DCLK1: variants seen among roughly 807,000 people sequenced by gnomAD.
DCLK1 encodes the protein doublecortin like kinase 1, also known as serine/threonine-protein kinase DCLK1.
In DCLK1, 16 loss-of-function variants were observed where a neutral mutation model predicts 86.2. The ratio of observed to expected loss-of-function variants is 0.19; its 90% CI spans 0.13 to 0.28. The LOEUF is 0.28. Among genes scored for constraint, DCLK1 ranks in the 10% least tolerant of loss-of-function variants. The pLI, the probability that DCLK1 is intolerant of heterozygous loss-of-function variation, is 1.00. For missense variants in DCLK1, 590 were observed against 940.2 expected (o/e 0.63, Z 4.87); for synonymous variants, 369 against 370.5 (o/e 1.00, Z 0.05).
chr13:35,829,928 T>C (rs916526982), intron 8 of DCLK1, among the ~76,000 whole-genome samples: 3 of 152,218 alleles, frequency 2.0e-5, no homozygotes, highest in African/African-American at 7.2e-5. Context: ...ACAAAGACTC[T>C]GCCATGGCTG....
intron 3 of DCLK1, among the ~76,000 whole-genome samples, chr13:36,083,080 C>T (rs550647156): frequency 2.0e-5 from 3 of 152,184 alleles, no homozygotes; most frequent in East Asian, 3.9e-4. Flanking sequence ...ATGTACCCAC[C>T]GATTCCAAAC....
chr13:36,068,889 A>AG (rs1233685920), intron 3 of DCLK1, among the ~76,000 whole-genome samples: 1 of 152,240 alleles, frequency 6.6e-6, no homozygotes, highest in Non-Finnish European at 1.5e-5. Flanking sequence ...TGAAAACTCC[A>AG]GGTTACTGTG....
chr13:36,035,169 T>G (rs973477932), intron 3 of DCLK1, among the ~76,000 whole-genome samples: 12 of 152,164 alleles, frequency 7.9e-5, no homozygotes, highest in Non-Finnish European at 1.2e-4. Flanking sequence ...GCGAATCAGC[T>G]AATTCTCTCC....
chr13:35,913,826 A>T (rs1262790418), intron 4 of DCLK1, among the ~76,000 whole-genome samples: 1 of 151,956 alleles, frequency 6.6e-6, no homozygotes, highest in Non-Finnish European at 1.5e-5. Flanking sequence ...CATAATATAT[A>T]AAAAAAATTC....
rs542537361 is a variant in DCLK1 at position 36,106,700 on chromosome 13, C to T, written c.723+5169G>A. Reference sequence around the variant, plus strand: ...TAAAAAAGGAAAAATACCACTGCTGCTAATAGCTACAGAAAACCTCCTTTC... The same window carrying T: ...TAAAAAAGGAAAAATACCACTGCTGTTAATAGCTACAGAAAACCTCCTTTC... On this transcript the variant is annotated intron_variant, in intron 3 of 16. Transcript: ENST00000360631. Among the ~76,000 whole-genome samples, 12 of 152,274 alleles carry T rather than the reference C, an allele frequency of 7.9e-5. No homozygotes were observed. In the South Asian group the frequency reaches 2.5e-3, roughly 32 times the overall value.
intron 15 of DCLK1, among the ~76,000 whole-genome samples, chr13:35,803,647 C>A (rs1260703229): frequency 6.6e-6 from 1 of 152,136 alleles, no homozygotes. Flanking sequence ...TCTTGTCCCC[C>A]CATATGTAGT....
chr13:35,780,212 C>A lies in DCLK1; in HGVS notation c.2059-5513G>T, dbSNP rs548798725. ...TCAAGCAAATAGGGTCTCTTCAGAA[C>A]GCCTATTTTTGTAAATTAAGTATGT... On this transcript the variant is annotated intron_variant, in intron 16 of 16. Coordinates refer to ENST00000360631, the MANE Select transcript of DCLK1 (RefSeq NM_001330071.2). 6.6e-5 allele frequency among the ~76,000 whole-genome samples: 10 copies of A among 152,230 alleles called. No individual in the cohort carries two copies. The Middle Eastern group carries it at 0.02, about 311-fold the overall frequency.
chr13:35,786,802 C>T (rs2086631390), intron 16 of DCLK1, among the ~76,000 whole-genome samples: 1 of 152,162 alleles, frequency 6.6e-6, no homozygotes, highest in Admixed American at 6.5e-5. Context: ...ATCCATAAGG[C>T]CAATTATGTA....
chr13:35,999,261 A>C (rs972828776), intron 3 of DCLK1, among the ~76,000 whole-genome samples: 17 of 151,244 alleles, frequency 1.1e-4, no homozygotes, highest in African/African-American at 4.1e-4. Flanking sequence ...TCTCAAACAA[A>C]AAAAAAAAAT....
intron 3 of DCLK1, among the ~76,000 whole-genome samples, chr13:35,974,388 C>T (rs151044731): frequency 7.6e-4 from 116 of 152,286 alleles, no homozygotes; most frequent in Admixed American, 5.1e-3. Flanking sequence ...TGTAAGGACA[C>T]AAGGGGAGGG....
rs749470581 is a variant in DCLK1 at position 36,051,272 on chromosome 13, G to A, written c.723+60597C>T. ...ATTTTTTGCCTATCTGGTCATCAAG[G>A]TCCCTGGAGACTCTTCAGTGTTTCA... On this transcript the variant is annotated intron_variant, in intron 3 of 16. Coordinates refer to ENST00000360631, the MANE Select transcript of DCLK1 (RefSeq NM_001330071.2). Among the ~76,000 whole-genome samples the A allele has an allele frequency of 4.6e-5, 7 of 151,962 alleles. No individual in the cohort carries two copies. The South Asian group carries it at 1.2e-3, about 27-fold the overall frequency.
chr13:35,862,034 A>AC (rs1462748164), intron 5 of DCLK1, among the ~76,000 whole-genome samples: 1 of 28,182 alleles, frequency 3.5e-5, no homozygotes, highest in Non-Finnish European at 8.8e-5. Flanking sequence ...CTCCGTCTCA[A>AC]AAAAAAAAAA....
At chr13:35,797,199 A>G (rs1311328309) in intron 15 of DCLK1, among the ~76,000 whole-genome samples, 1 of 152,214 alleles carries the variant, frequency 6.6e-6, no homozygotes, top group Admixed American at 6.5e-5. Flanking sequence ...ATATGGGGAA[A>G]GATAGCTGGG....
intron 11 of DCLK1, 103 bp from the exon 12 acceptor site, chr13:35,811,071 T>A: frequency 7.0e-7 from 1 of 1,427,998 alleles, no homozygotes; most frequent in Non-Finnish European, 9.6e-7. Context: ...GTATAGGAGG[T>A]AAAAAATAAA....
At chr13:35,983,018 C>A (rs1189122496) in intron 3 of DCLK1, among the ~76,000 whole-genome samples, 1 of 152,128 alleles carries the variant, frequency 6.6e-6, no homozygotes, top group Non-Finnish European at 1.5e-5. Flanking sequence ...CCCGCCATGG[C>A]CTCTCAAAGT....
At chr13:35,817,838 A>G (rs1038395969) in intron 11 of DCLK1, among the ~76,000 whole-genome samples, 2 of 152,200 alleles carry the variant, frequency 1.3e-5, no homozygotes, top group African/African-American at 2.4e-5. Context: ...CTCCAGGTCA[A>G]CTAATAGCCT....
At position 35,838,992 on chromosome 13, in the gene DCLK1, C is replaced by T. The variant is rs976416063; in HGVS notation, c.1120+100G>A. On this transcript the variant is annotated intron_variant, in intron 7 of 16. Coordinates refer to ENST00000360631, the MANE Select transcript of DCLK1 (RefSeq NM_001330071.2). Reference sequence around the variant, plus strand: ...TGATTGACCCTCAGGAGCTGCTCAGCCTTGTCCATGTCATTCCGCTTGAGA... The same window carrying T: ...TGATTGACCCTCAGGAGCTGCTCAGTCTTGTCCATGTCATTCCGCTTGAGA... 5 of 1,113,052 alleles carry T rather than the reference C, an allele frequency of 4.5e-6. No homozygotes were observed. In the African/African-American group the frequency reaches 7.8e-5, roughly 17 times the overall value. 68.9% of individuals were successfully genotyped at this position (1,113,052 alleles called of 1,614,324 possible). A position where few individuals can be genotyped will look rare whatever the true frequency, so the allele number is the denominator to read the frequency against.
At chr13:35,973,313 C>T (rs1654249052) in intron 3 of DCLK1, among the ~76,000 whole-genome samples, 1 of 152,176 alleles carries the variant, frequency 6.6e-6, no homozygotes, top group African/African-American at 2.4e-5. Context: ...AGGCCTCCTG[C>T]TTATAGGCTT....
intron 3 of DCLK1, among the ~76,000 whole-genome samples, chr13:35,984,780 A>C (rs1593792857): frequency 1.3e-5 from 2 of 149,536 alleles, no homozygotes; most frequent in Non-Finnish European, 1.5e-5. Flanking sequence ...TCTCTTCACT[A>C]CCCCCCAGGC....
Sources: gnomAD v4.1 joint callset for allele counts (sites outside exome capture counted in the v4.1 genomes callset) on GRCh38, gnomAD v4.1.1 for gene constraint, MANE v1.5 for transcripts, NCBI Gene and HGNC (gene_info 2026-07-23, HGNC 2026-07-21) for gene names.